The following ANKRD11 variants were observed in gnomAD, a reference collection of about 807,000 sequenced individuals.
ANKRD11 encodes ankyrin repeat domain 11, also known as ankyrin repeat domain-containing protein 11.
Under a neutral mutation model 195.7 loss-of-function variants are expected in ANKRD11, and 17 were observed. That is an observed-to-expected ratio of 0.09 (90% CI 0.06 to 0.13). The LOEUF (loss-of-function observed/expected upper bound fraction) is 0.13. Among genes scored for constraint, ANKRD11 ranks in the 10% least tolerant of loss-of-function variants. The probability of loss-of-function intolerance (pLI) is 1.00; values close to 1 mark genes in which losing one functional copy is unlikely to be tolerated. For synonymous variants in ANKRD11, 1,953 were observed against 1,528.1 expected, an observed-to-expected ratio of 1.28 and a Z score of -6.49; for missense variants, 3,735 against 3,566.1, an observed-to-expected ratio of 1.05 and a Z score of -1.21.
In ANKRD11 at chr16:89,478,668, C is replaced by T. The variant is rs549759494; in HGVS notation, c.-145+11577G>A. Among the ~76,000 whole-genome samples, 56 of 152,368 alleles carry T rather than the reference C, an allele frequency of 3.7e-4. 1 individual carries two copies. The South Asian group carries it at 5.8e-3, about 16-fold the overall frequency. On this transcript the variant is annotated intron_variant, in intron 1 of 12. Transcript: ENST00000301030. ...CGTCCTCTCCTCCAGCAGCCGGCTA[C>T]GCGCAGCTCTCCGGCACAGCCATCA...
intron 2 of ANKRD11, chr16:89,324,574 G>T (rs1269310980): frequency 1.8e-5 from 8 of 453,020 alleles, no homozygotes; most frequent in East Asian, 7.0e-5. Context: ...CCCTCCATCT[G>T]GGGGGGCATG....
chr16:89,438,601 G>C (rs2043315402), intron 1 of ANKRD11, among the ~76,000 whole-genome samples: 1 of 152,054 alleles, frequency 6.6e-6, no homozygotes. Flanking sequence ...CCAAAGTGCT[G>C]GGATTACAGG....
intron 3 of ANKRD11, among the ~76,000 whole-genome samples, chr16:89,310,929 G>A (rs2036575239): frequency 6.6e-6 from 1 of 152,162 alleles, no homozygotes; most frequent in South Asian, 2.1e-4. Flanking sequence ...GCAGGACGAT[G>A]CTGACTGCAG....
chr16:89,351,170 G>C (rs2039198689), intron 2 of ANKRD11, among the ~76,000 whole-genome samples: 1 of 152,248 alleles, frequency 6.6e-6, no homozygotes, highest in African/African-American at 2.4e-5. Flanking sequence ...CAAGAGCACT[G>C]TTGTGAAGAA....
At chr16:89,446,300 C>G (rs935112947) in intron 1 of ANKRD11, among the ~76,000 whole-genome samples, 7 of 152,106 alleles carry the variant, frequency 4.6e-5, no homozygotes, top group Admixed American at 1.3e-4. Flanking sequence ...ACAGCTGCAT[C>G]TAAACAGTTT....
intron 2 of ANKRD11, among the ~76,000 whole-genome samples, chr16:89,363,689 C>G (rs1438477908): frequency 6.6e-6 from 1 of 152,130 alleles, no homozygotes; most frequent in Non-Finnish European, 1.5e-5. Context: ...GTGTATGTGG[C>G]CCAGGCCCCT....
intron 2 of ANKRD11, among the ~76,000 whole-genome samples, chr16:89,381,591 G>A (rs549741147): frequency 2.6e-5 from 4 of 152,242 alleles, no homozygotes; most frequent in South Asian, 2.1e-4. Context: ...GCGATGATAC[G>A]CTTTCCAACA....
chr16:89,438,705 GCA>G (rs1238148936), intron 1 of ANKRD11, among the ~76,000 whole-genome samples: 1 of 152,148 alleles, frequency 6.6e-6, no homozygotes, highest in Admixed American at 6.5e-5. Flanking sequence ...CAAGAACCAA[GCA>G]CAGTCCCTTC....
intron 1 of ANKRD11, among the ~76,000 whole-genome samples, chr16:89,462,953 G>T (rs1397329482): frequency 6.6e-6 from 1 of 151,278 alleles, no homozygotes; most frequent in Non-Finnish European, 1.5e-5. Context: ...GGAGGTGGGG[G>T]GGGTCAGCCC....
chr16:89,278,774 G>T (rs748136230), intron 9 of ANKRD11: 3 of 592,432 alleles, frequency 5.1e-6, no homozygotes, highest in South Asian at 4.6e-5. Flanking sequence ...AGTGAGCGGC[G>T]TGAAGGGGGA....
chr16:89,461,201 G>C (rs1262538468), intron 1 of ANKRD11, among the ~76,000 whole-genome samples: 1 of 141,678 alleles, frequency 7.1e-6, no homozygotes, highest in East Asian at 2.1e-4. Flanking sequence ...CCCCTTATAG[G>C]AGAGGTGCCT....
chr16:89,458,707 T>TAA (rs1276096904), intron 1 of ANKRD11, among the ~76,000 whole-genome samples: 3 of 152,186 alleles, frequency 2.0e-5, no homozygotes, highest in Non-Finnish European at 1.5e-5. Context: ...AGCATCTCCT[T>TAA]AAACAAAATC....
intron 1 of ANKRD11, among the ~76,000 whole-genome samples, chr16:89,476,665 C>T (rs35025581): frequency 0.24 from 36,642 of 152,138 alleles, 5,829 homozygotes; most frequent in Middle Eastern, 0.39. Flanking sequence ...CCAAAAAAGA[C>T]TTCTCCTCCT....
chr16:89,416,485 G>A (rs1170848772), intron 2 of ANKRD11, among the ~76,000 whole-genome samples: 2 of 152,164 alleles, frequency 1.3e-5, no homozygotes, highest in Admixed American at 1.3e-4. Flanking sequence ...TTTTAATAGA[G>A]ATGGGGTTTC....
At chr16:89,362,025 C>T (rs2039755532) in intron 2 of ANKRD11, among the ~76,000 whole-genome samples, 1 of 152,144 alleles carries the variant, frequency 6.6e-6, no homozygotes, top group African/African-American at 2.4e-5. Flanking sequence ...TGGGAGGGGG[C>T]AAGACTAACC....
chr16:89,436,089 G>C (rs1471882737), intron 1 of ANKRD11, among the ~76,000 whole-genome samples: 2 of 152,084 alleles, frequency 1.3e-5, no homozygotes, highest in Admixed American at 1.3e-4. Flanking sequence ...TTCCCCATTT[G>C]GGAAAGTAGA....
intron 7 of ANKRD11, chr16:89,287,743 C>T: frequency 5.9e-6 from 1 of 170,100 alleles, no homozygotes; most frequent in Non-Finnish European, 1.2e-5. Context: ...CTTCAATCCA[C>T]CCCCCACCCC....
chr16:89,437,126 CAGGGA>C (rs2043247804), intron 1 of ANKRD11, among the ~76,000 whole-genome samples: 1 of 152,156 alleles, frequency 6.6e-6, no homozygotes, highest in Non-Finnish European at 1.5e-5. Flanking sequence ...ATTTTCACAA[CAGGGA>C]AGGGAACGAA....
In ANKRD11 at chr16:89,479,387, C is replaced by T. The variant is rs558376295; in HGVS notation, c.-145+10858G>A. On this transcript the variant is annotated intron_variant, in intron 1 of 12. Coordinates refer to ENST00000301030, the MANE Select transcript of ANKRD11 (RefSeq NM_013275.6). The stretch of plus-strand genomic sequence containing the variant: ...GTGGCTCACACCTGCAATCCCAGCA[C>T]TTAAGGAGGCCGAGGCAGGCGGATC... Among the ~76,000 whole-genome samples, 10 of 152,122 alleles carry T rather than the reference C, an allele frequency of 6.6e-5. No individual in the cohort carries two copies. The South Asian group carries it at 1.2e-3, about 19-fold the overall frequency.
Sources: allele counts gnomAD v4.1 joint callset (sites outside exome capture counted in the v4.1 genomes callset), GRCh38; gene constraint gnomAD v4.1.1; transcripts MANE v1.5; gene names NCBI Gene and HGNC (gene_info 2026-07-23, HGNC 2026-07-21).